The following LAMA2 variants were observed in gnomAD, a reference collection of about 807,000 sequenced individuals.
LAMA2 encodes laminin subunit alpha-2.
In LAMA2, 269 loss-of-function variants were observed where a neutral mutation model predicts 364.8. The observed-to-expected ratio is 0.74, with a 90% CI of 0.67 to 0.82. The LOEUF is 0.82. Ranked by LOEUF, LAMA2 falls within the 40% of genes least tolerant of loss-of-function variation. LAMA2 has a pLI of 0.00. For missense variants in LAMA2, 3,807 were observed against 3,873.2 expected, an observed-to-expected ratio of 0.98 and a Z score of 0.45; for synonymous variants, 1,379 against 1,370.6, an observed-to-expected ratio of 1.01 and a Z score of -0.14.
At chr6:129,218,552 A>C (rs1235206527) in intron 12 of LAMA2, among the ~76,000 whole-genome samples, 2 of 152,062 alleles carry the variant, frequency 1.3e-5, no homozygotes, top group African/African-American at 4.8e-5. Context: ...TAAAATAATC[A>C]TTTTTCTCAT....
At chr6:129,291,301 A>G (rs1326268498) in intron 19 of LAMA2, among the ~76,000 whole-genome samples, 2 of 152,204 alleles carry the variant, frequency 1.3e-5, no homozygotes, top group Non-Finnish European at 2.9e-5. Context: ...GTGGACTTGT[A>G]TAAGCTATGG....
chr6:129,135,910 GAAGA>G (rs1422469842), intron 4 of LAMA2, among the ~76,000 whole-genome samples: 3 of 151,942 alleles, frequency 2.0e-5, no homozygotes, highest in African/African-American at 7.3e-5. Flanking sequence ...TACTTTAACT[GAAGA>G]AAGAAAAACA....
intron 1 of LAMA2, among the ~76,000 whole-genome samples, chr6:128,935,223 C>T (rs1483445855): frequency 1.3e-5 from 2 of 150,466 alleles, no homozygotes; most frequent in Non-Finnish European, 3.0e-5. Context: ...AGCCCCACAC[C>T]CCCCCCAACA....
intron 1 of LAMA2, among the ~76,000 whole-genome samples, chr6:129,024,424 C>T (rs1785666177): frequency 6.9e-6 from 1 of 145,668 alleles, no homozygotes; most frequent in Non-Finnish European, 1.5e-5. Flanking sequence ...CAGTCCATTG[C>T]CCAGGCTGGT....
rs114607557 is a variant in LAMA2 at position 129,061,881 on chromosome 6, A to G, written c.396+1985A>G. On this transcript the variant is annotated intron_variant, in intron 3 of 64. Coordinates refer to ENST00000421865, the MANE Select transcript of LAMA2 (RefSeq NM_000426.4). ...CAGGATGGTGTCCATCCATATCCTT[A>G]TTTATTCCAGCTTTCTATTTCCTGA... 3.7e-3 allele frequency among the ~76,000 whole-genome samples: 567 copies of G among 152,216 alleles called. 1 individual carries two copies. Among genetic ancestry groups the G allele is most frequent in the African/African-American group, 0.013 (543 of 41,556 alleles).
rs759463827 is a variant in LAMA2, at chr6:129,260,805, A to G, written c.2191A>G (p.Thr731Ala). Residue 731 changes from threonine to alanine, a missense_variant, in exon 15 of 65, where the codon ACT (threonine) becomes GCT (alanine). By Grantham distance (58) the Thr-to-Ala change is moderately conservative. Coordinates refer to ENST00000421865, the MANE Select transcript of LAMA2 (RefSeq NM_000426.4). ...AGTGTGTCAGTGCCCACCAGGGTATACTGGCTCCTCTTGTGAAGTAAGCTT... is the reference window on the plus strand; with the variant it reads ...AGTGTGTCAGTGCCCACCAGGGTATGCTGGCTCCTCTTGTGAAGTAAGCTT... ...VEVCQCPPGY[T>A]GSSCESCWPR... The G allele has an allele frequency of 1.9e-6, 3 of 1,602,820 alleles. No individual in the cohort carries two copies. The highest frequency in any genetic ancestry group is 1.1e-5 in the South Asian group (1 of 90,864).
intron 3 of LAMA2, among the ~76,000 whole-genome samples, chr6:129,080,836 G>A (rs573731977): frequency 6.6e-5 from 10 of 152,152 alleles, no homozygotes; most frequent in Admixed American, 2.0e-4. Context: ...ACAGTGTGGC[G>A]ATTCCTCAAG....
intron 22 of LAMA2, among the ~76,000 whole-genome samples, chr6:129,305,956 A>T (rs1773840926): frequency 6.6e-6 from 1 of 152,018 alleles, no homozygotes; most frequent in East Asian, 1.9e-4. Flanking sequence ...TTAACTTTCC[A>T]GAATGTACAT....
chr6:129,424,401 C>T (rs1583714210), intron 40 of LAMA2, among the ~76,000 whole-genome samples: 1 of 150,624 alleles, frequency 6.6e-6, no homozygotes, highest in African/African-American at 2.4e-5. Flanking sequence ...AGAACTTCTT[C>T]CCTTCAAAAA....
At position 129,372,808 on chromosome 6, in the gene LAMA2, T is replaced by C. The variant is rs1271378915; in HGVS notation, c.4959+2818T>C. 3.3e-5 allele frequency among the ~76,000 whole-genome samples: 5 copies of C among 152,284 alleles called. No individual in the cohort carries two copies. The South Asian group carries it at 8.3e-4, about 25-fold the overall frequency. On this transcript the variant is annotated intron_variant, in intron 34 of 64. Transcript: ENST00000421865. ...TGTTGCTCCACATCCTCAATAGCAT[T>C]TGGTGTTTTTAGTGTTTGGATTTTG...
intron 3 of LAMA2, among the ~76,000 whole-genome samples, chr6:129,071,276 G>C (rs1283890320): frequency 2.0e-5 from 3 of 151,906 alleles, no homozygotes; most frequent in Non-Finnish European, 1.5e-5. Flanking sequence ...TTTTATTCCA[G>C]ATATTGTTGT....
chr6:129,072,072 A>C (rs549466124), intron 3 of LAMA2, among the ~76,000 whole-genome samples: 1 of 152,068 alleles, frequency 6.6e-6, no homozygotes, highest in African/African-American at 2.4e-5. Context: ...ACTTCAACCC[A>C]GGAGGTAGAG....
intron 1 of LAMA2, among the ~76,000 whole-genome samples, chr6:129,034,896 T>C (rs1562172610): frequency 6.6e-6 from 1 of 152,316 alleles, no homozygotes; most frequent in East Asian, 1.9e-4. Context: ...GTTGAGCACA[T>C]AGATTGAGTC....
rs114360773 is a variant in LAMA2, at chr6:129,504,218, G to A, written c.8547+938G>A. On this transcript the variant is annotated intron_variant, in intron 60 of 64. Transcript: ENST00000421865. The stretch of plus-strand genomic sequence containing the variant: ...AGAAAAGGAATCTTCATTTTTGCTG[G>A]GAGCTTATGACTAGCAAATACAGAT... Among the ~76,000 whole-genome samples, 411 of 152,178 alleles carry A rather than the reference G, an allele frequency of 2.7e-3. 3 individuals carry two copies. Among genetic ancestry groups the A allele is most frequent in the African/African-American group, 9.3e-3 (386 of 41,530 alleles).
chr6:129,204,210 C>T (rs971620654), intron 12 of LAMA2, among the ~76,000 whole-genome samples: 1 of 152,112 alleles, frequency 6.6e-6, no homozygotes, highest in African/African-American at 2.4e-5. Flanking sequence ...TTGTGAAATA[C>T]CCGCAGAGTG....
intron 12 of LAMA2, among the ~76,000 whole-genome samples, chr6:129,238,515 A>C (rs1249852451): frequency 6.6e-6 from 1 of 152,008 alleles, no homozygotes; most frequent in Non-Finnish European, 1.5e-5. Context: ...TTAAACATAT[A>C]CTTTTGCATT....
At chr6:129,356,915 G>A (rs1244465403) in intron 32 of LAMA2, among the ~76,000 whole-genome samples, 3 of 152,038 alleles carry the variant, frequency 2.0e-5, no homozygotes, top group African/African-American at 7.2e-5. Flanking sequence ...CTATGCAGAA[G>A]AAAAGATACT....
At chr6:129,234,607 AAC>A (rs1784867559) in intron 12 of LAMA2, among the ~76,000 whole-genome samples, 1 of 152,232 alleles carries the variant, frequency 6.6e-6, no homozygotes, top group African/African-American at 2.4e-5. Flanking sequence ...TTTCATTAAA[AAC>A]AAAATATTTA....
intron 1 of LAMA2, among the ~76,000 whole-genome samples, chr6:128,939,358 G>T (rs1023478635): frequency 1.1e-4 from 17 of 151,044 alleles, no homozygotes; most frequent in African/African-American, 3.9e-4. Context: ...TCATCCCAAT[G>T]CTTGATACAT....
Sources: gnomAD v4.1 joint callset for allele counts (sites outside exome capture counted in the v4.1 genomes callset) on GRCh38, gnomAD v4.1.1 for gene constraint, MANE v1.5 for transcripts, NCBI Gene and HGNC (gene_info 2026-07-23, HGNC 2026-07-21) for gene names.